The following CCNY variants were observed in gnomAD, a reference collection of about 807,000 sequenced individuals.
The protein encoded by CCNY is cyclin-Y.
In CCNY, 19 loss-of-function variants were observed where a neutral mutation model predicts 42.8. The ratio of observed to expected loss-of-function variants is 0.44; its 90% CI spans 0.31 to 0.65. The LOEUF is 0.65. Ranked by LOEUF, CCNY falls within the 30% of genes least tolerant of loss-of-function variation. The pLI, the probability that CCNY is intolerant of heterozygous loss-of-function variation, is 0.07. For synonymous variants in CCNY, 165 were observed against 162.7 expected, an observed-to-expected ratio of 1.01 and a Z score of -0.11; for missense variants, 370 against 437.3, an observed-to-expected ratio of 0.85 and a Z score of 1.37.
At chr10:35,330,339 T>A (rs953619681) in intron 3 of CCNY, among the ~76,000 whole-genome samples, 1 of 152,224 alleles carries the variant, frequency 6.6e-6, no homozygotes, top group Non-Finnish European at 1.5e-5. Flanking sequence ...ATCATTTCTT[T>A]TTCCTACCTA....
upstream of CCNY, among the ~76,000 whole-genome samples, chr10:35,335,589 G>A (rs548442644): frequency 8.5e-4 from 130 of 152,154 alleles, no homozygotes; most frequent in Admixed American, 1.7e-3. Flanking sequence ...AGGTGCCGTG[G>A]CTCATGCCCG....
At chr10:35,484,738 A>G (rs540536213) in intron 2 of CCNY, among the ~76,000 whole-genome samples, 1 of 152,326 alleles carries the variant, frequency 6.6e-6, no homozygotes, top group East Asian at 1.9e-4. Flanking sequence ...CTATAAAAAC[A>G]AGAAACATAG....
chr10:35,377,153 T>G (rs1385881597), intron 1 of CCNY, among the ~76,000 whole-genome samples: 1 of 152,168 alleles, frequency 6.6e-6, no homozygotes, highest in Non-Finnish European at 1.5e-5. Context: ...ATAATTACTT[T>G]TTAAAAAAAT....
intron 3 of CCNY, among the ~76,000 whole-genome samples, chr10:35,302,685 T>C (rs1003933203): frequency 3.9e-5 from 6 of 152,110 alleles, no homozygotes; most frequent in Admixed American, 6.6e-5. Flanking sequence ...CCCAAGGGCA[T>C]CTCAGGATGA....
At chr10:35,318,469 T>C (rs1261116765) in intron 3 of CCNY, among the ~76,000 whole-genome samples, 1 of 152,072 alleles carries the variant, frequency 6.6e-6, no homozygotes, top group East Asian at 1.9e-4. Flanking sequence ...GAAAATCAGT[T>C]TTGCTGGATC....
intron 1 of CCNY, among the ~76,000 whole-genome samples, chr10:35,460,751 C>T (rs1839140689): frequency 6.6e-6 from 1 of 152,186 alleles, no homozygotes; most frequent in African/African-American, 2.4e-5. Context: ...GTACCTATGG[C>T]ACGGCACAGT....
intron 1 of CCNY, among the ~76,000 whole-genome samples, chr10:35,469,506 A>G (rs1839339955): frequency 6.6e-6 from 1 of 152,142 alleles, no homozygotes; most frequent in African/African-American, 2.4e-5. Flanking sequence ...GAAGGAGGAG[A>G]AGAGAGACTG....
chr10:35,270,188 T>C (rs1486396404), intron 3 of CCNY, among the ~76,000 whole-genome samples: 2 of 152,102 alleles, frequency 1.3e-5, no homozygotes. Flanking sequence ...TAATGACTCA[T>C]TCAGGGTGAA....
intron 7 of CCNY, among the ~76,000 whole-genome samples, chr10:35,539,877 G>A (rs1156770525): frequency 6.6e-6 from 1 of 152,012 alleles, no homozygotes; most frequent in Non-Finnish European, 1.5e-5. Flanking sequence ...CATTTTTGGT[G>A]GTTTATTGCT....
At chr10:35,539,075 T>G (rs550081486) in intron 7 of CCNY, among the ~76,000 whole-genome samples, 5 of 152,194 alleles carry the variant, frequency 3.3e-5, no homozygotes, top group Non-Finnish European at 5.9e-5. Flanking sequence ...ACCATAAACA[T>G]GAAGGTTTAT....
At chr10:35,514,500 AG>A (rs1840389514) in intron 3 of CCNY, among the ~76,000 whole-genome samples, 1 of 152,128 alleles carries the variant, frequency 6.6e-6, no homozygotes, top group Non-Finnish European at 1.5e-5. Flanking sequence ...GTGCACACAG[AG>A]GGGTGGTGCC....
intron 1 of CCNY, among the ~76,000 whole-genome samples, chr10:35,430,010 T>G (rs1250440750): frequency 5.9e-5 from 9 of 152,026 alleles, no homozygotes; most frequent in Admixed American, 5.2e-4. Context: ...TGTTCCTAAG[T>G]CCCTCCTTAT....
At chr10:35,329,792 C>T (rs910704365) in intron 3 of CCNY, among the ~76,000 whole-genome samples, 5 of 152,070 alleles carry the variant, frequency 3.3e-5, no homozygotes, top group Admixed American at 6.5e-5. Flanking sequence ...GAAAGCCTGG[C>T]GAGCAGGCCA....
rs1312410028 is a variant in CCNY, at chr10:35,465,938, AGTGT to A, written c.155-17447_155-17444del. The stretch of plus-strand genomic sequence containing the variant: ...GAGAGAGAGAGAGAGAGAGAGAGAG[AGTGT>A]GTGTGTGTGTGTGTGTGTCTGTGTG... On this transcript the variant is annotated intron_variant, in intron 1 of 9. Transcript: ENST00000374704. 4.9e-5 allele frequency among the ~76,000 whole-genome samples: 4 copies of A among 80,960 alleles called. No homozygotes were observed. In the Admixed American group the frequency reaches 5.1e-4, roughly 10 times the overall value. 53.1% of individuals were successfully genotyped at this position (80,960 alleles called of 152,430 possible).
intron 1 of CCNY, among the ~76,000 whole-genome samples, chr10:35,413,012 C>A (rs891949241): frequency 2.0e-5 from 3 of 151,902 alleles, no homozygotes; most frequent in African/African-American, 7.3e-5. Context: ...TGCTGTATCT[C>A]CAGTGTCCAG....
intron 1 of CCNY, among the ~76,000 whole-genome samples, chr10:35,342,718 A>G (rs1214134992): frequency 6.6e-6 from 1 of 152,146 alleles, no homozygotes; most frequent in Non-Finnish European, 1.5e-5. Context: ...TAGTCTTCTT[A>G]TCATTCTCCC....
At chr10:35,517,588 A>T (rs925476179) in intron 4 of CCNY, among the ~76,000 whole-genome samples, 1 of 152,238 alleles carries the variant, frequency 6.6e-6, no homozygotes, top group Non-Finnish European at 1.5e-5. Context: ...GACTATAGCC[A>T]TCTGTAGTCA....
chr10:35,436,511 C>T (rs780303259), intron 1 of CCNY, among the ~76,000 whole-genome samples: 1 of 152,132 alleles, frequency 6.6e-6, no homozygotes, highest in Non-Finnish European at 1.5e-5. Context: ...GGGCCCTGCT[C>T]CAGGGAGAGA....
chr10:35,560,011 G>A (rs532678205), intron 8 of CCNY, among the ~76,000 whole-genome samples: 26 of 145,936 alleles, frequency 1.8e-4, no homozygotes. Flanking sequence ...TGGAAGGAAA[G>A]GGGATGCCTG....
Sources: allele counts gnomAD v4.1 joint callset (sites outside exome capture counted in the v4.1 genomes callset), GRCh38; gene constraint gnomAD v4.1.1; transcripts MANE v1.5; gene names NCBI Gene and HGNC (gene_info 2026-07-23, HGNC 2026-07-21).